Variants in CORO7 observed in about 807,000 individuals in gnomAD.
CORO7 encodes coronin 7.
CORO7 carries 107 observed loss-of-function variants against 126.6 expected under a neutral mutation model. The observed-to-expected ratio is 0.85, with a 90% confidence interval of 0.72 to 0.99. The LOEUF is 0.99. CORO7 is among the 50% of genes least tolerant of loss of function. The probability of loss-of-function intolerance (pLI) is 0.00; values close to 1 mark genes in which losing one functional copy is unlikely to be tolerated. For synonymous variants in CORO7, 603 were observed against 536.8 expected, an observed-to-expected ratio of 1.12 and a Z score of -1.70; for missense variants, 1,314 against 1,255.8, an observed-to-expected ratio of 1.05 and a Z score of -0.70.
intron 8 of CORO7, 27 bp from the exon 9 acceptor site, chr16:4,388,095 A>G (rs371381946): frequency 1.7e-5 from 27 of 1,601,002 alleles, no homozygotes; most frequent in Admixed American, 1.2e-4. Context: ...AGAGGGGCTC[A>G]GAGGGGCCTG....
At position 4,416,424 on chromosome 16, in the gene CORO7, G is replaced by C. The variant is rs764887989; in HGVS notation, c.60+35C>G. The stretch of plus-strand genomic sequence containing the variant: ...GGGGAGGGGCAGCCGGACGGGGCCC[G>C]AGGCGACAGCGCCCGGTCCTCGGGC... On this transcript the variant is annotated intron_variant, in intron 1 of 27. Transcript: ENST00000251166. The C allele has an allele frequency of 2.6e-6, 4 of 1,541,724 alleles. No homozygotes were observed. In the East Asian group the frequency reaches 7.9e-5, roughly 30 times the overall value.
intron 8 of CORO7, 29 bp from the exon 9 acceptor site, chr16:4,388,097 A>C: frequency 1.3e-6 from 2 of 1,599,982 alleles, no homozygotes; most frequent in Non-Finnish European, 1.7e-6. Context: ...AGGGGCTCAG[A>C]GGGGCCTGTC....
intron 5 of CORO7, among the ~76,000 whole-genome samples, chr16:4,407,238 G>A (rs1249973355): frequency 6.6e-6 from 1 of 150,706 alleles, no homozygotes; most frequent in Non-Finnish European, 1.5e-5. Context: ...ATGAGCCACC[G>A]CGCCCGGCCA....
At chr16:4,358,743 T>C (rs1029547563) in intron 23 of CORO7, 1 of 411,206 alleles carries the variant, frequency 2.4e-6, no homozygotes, top group Non-Finnish European at 4.3e-6. Flanking sequence ...GAATGTGGTG[T>C]TGGGAAGAGA....
intron 26 of CORO7, 149 bp downstream of exon 26, chr16:4,357,019 G>T (rs2053996663): frequency 1.8e-6 from 2 of 1,090,928 alleles, no homozygotes; most frequent in East Asian, 2.6e-5. Flanking sequence ...GTAGGGCTCT[G>T]GAAGGTCTCC....
chr16:4,392,835 GC>G (rs1166274638), intron 7 of CORO7, among the ~76,000 whole-genome samples: 1 of 152,216 alleles, frequency 6.6e-6, no homozygotes, highest in Non-Finnish European at 1.5e-5. Flanking sequence ...CAGGCCTGCT[GC>G]CCCCGCACCA....
intron 3 of CORO7, among the ~76,000 whole-genome samples, chr16:4,411,852 C>T (rs1307405045): frequency 1.3e-5 from 2 of 151,946 alleles, no homozygotes; most frequent in Non-Finnish European, 2.9e-5. Flanking sequence ...ACTGTTCCCT[C>T]GAGGCGGACA....
intron 7 of CORO7, among the ~76,000 whole-genome samples, chr16:4,393,668 C>A (rs1286484303): frequency 6.6e-6 from 1 of 152,114 alleles, no homozygotes; most frequent in African/African-American, 2.4e-5. Flanking sequence ...GGGAAAACGT[C>A]CTAGAAATGG....
intron 6 of CORO7, among the ~76,000 whole-genome samples, chr16:4,398,967 CAAA>C (rs60502616): frequency 4.8e-5 from 3 of 62,064 alleles, no homozygotes; most frequent in Non-Finnish European, 3.4e-5. Flanking sequence ...GACTCCGTCT[CAAA>C]AAAAAAAAAA....
At chr16:4,404,663 G>A (rs955670831) in intron 6 of CORO7, among the ~76,000 whole-genome samples, 2 of 151,806 alleles carry the variant, frequency 1.3e-5, no homozygotes, top group South Asian at 4.2e-4. Flanking sequence ...GCACATCCCC[G>A]TCCCAGTGAC....
chr16:4,376,789 C>A (rs2054747685), intron 9 of CORO7, among the ~76,000 whole-genome samples: 1 of 152,154 alleles, frequency 6.6e-6, no homozygotes, highest in Non-Finnish European at 1.5e-5. Flanking sequence ...CCACCACGTG[C>A]CCCCTTCCAG....
chr16:4,376,786 G>A (rs1245301924), intron 9 of CORO7, among the ~76,000 whole-genome samples: 5 of 152,106 alleles, frequency 3.3e-5, no homozygotes, highest in African/African-American at 9.7e-5. Flanking sequence ...CACCCACCAC[G>A]TGCCCCCTTC....
chr16:4,382,238 C>G, intron 9 of CORO7: 1 of 1,607,186 alleles, frequency 6.2e-7, no homozygotes, highest in African/African-American at 1.3e-5. Context: ...CCCAGCCCTA[C>G]ACCAGTCACG....
At chr16:4,394,548 C>T (rs1042612854) in intron 7 of CORO7, among the ~76,000 whole-genome samples, 1 of 152,250 alleles carries the variant, frequency 6.6e-6, no homozygotes, top group African/African-American at 2.4e-5. Context: ...TCAGACAAGC[C>T]CGTCCTCCTT....
chr16:4,402,256 G>C (rs554262520), intron 6 of CORO7, among the ~76,000 whole-genome samples: 341 of 143,786 alleles, frequency 2.4e-3, no homozygotes, highest in African/African-American at 8.4e-3. Flanking sequence ...TGTTGTTGTT[G>C]TTGTTGTTGT....
rs142181518 is a variant in CORO7, at chr16:4,364,296, C to T, written c.1255G>A (p.Val419Met). The T allele has an allele frequency of 6.5e-5, 100 of 1,548,776 alleles. No homozygotes were observed. In the African/African-American group the frequency reaches 1.0e-3, roughly 16 times the overall value. ...CTTACGCTTGCGTCTGCATCACCCA[C>T]GGGTGTCTCCATCACCGCAGGCTGG... ...TAQPAVMETP[V>M]GDADASEGFS... The change falls in exon 14 of 28, where the codon GTG (valine) becomes ATG (methionine). Residue 419 changes from valine to methionine, a missense_variant. Physicochemically the swap from Val to Met is conservative, Grantham distance 21 (BLOSUM62 1). Coordinates refer to ENST00000251166, the MANE Select transcript of CORO7 (RefSeq NM_024535.5).
intron 9 of CORO7, chr16:4,382,545 C>T (rs1171553592): frequency 1.9e-6 from 3 of 1,593,270 alleles, no homozygotes; most frequent in South Asian, 2.3e-5. Context: ...CCCATACACC[C>T]CCAGCCGTCC....
chr16:4,413,356 G>A lies in CORO7; in HGVS notation c.109C>T (p.His37Tyr). The A allele has an allele frequency of 6.3e-7, 1 of 1,586,926 alleles. No homozygotes were observed. The highest frequency in any genetic ancestry group is 8.6e-7 in the Non-Finnish European group (1 of 1,165,676). The stretch of plus-strand genomic sequence containing the variant: ...ATCAAGCTGCAGCTTGATTTGATGT[G>A]GTTCCTGCATGAAGGGGCGGTTCCT... ...RAGTAPSCRNHIKSSCSLIAF... is the reference protein window; with the variant it reads ...RAGTAPSCRNYIKSSCSLIAF... Residue 37 changes from histidine (H) to tyrosine (Y), a missense_variant, in exon 2 of 28, where the codon CAC (histidine) becomes TAC (tyrosine). Physicochemically the swap from His to Tyr is moderately conservative, Grantham distance 83. Transcript: ENST00000251166.
At position 4,365,054 on chromosome 16, in the gene CORO7, T is replaced by TC. The variant is rs1414522484; in HGVS notation, c.846dup (p.Arg283GlufsTer89). 15 of 1,600,188 alleles carry TC rather than the reference T, an allele frequency of 9.4e-6. No individual in the cohort carries two copies. The Middle Eastern group carries it at 2.3e-3, about 247-fold the overall frequency. ...ACCACCTCGTAACAGTACAGCTGCC[T>TC]CTCGCCCTGAAATGAGTCTGAACTG... On this transcript the variant is annotated frameshift_variant, in exon 11 of 28. Coordinates refer to ENST00000251166, the MANE Select transcript of CORO7 (RefSeq NM_024535.5). LOFTEE classifies it high-confidence loss of function.
Sources: allele counts gnomAD v4.1 joint callset (sites outside exome capture counted in the v4.1 genomes callset), GRCh38; gene constraint gnomAD v4.1.1; transcripts MANE v1.5; gene names NCBI Gene and HGNC (gene_info 2026-07-23, HGNC 2026-07-21).